Variants in PHLDB2 observed in about 807,000 individuals in gnomAD.
PHLDB2 encodes the protein pleckstrin homology-like domain family B member 2.
PHLDB2 carries 71 observed loss-of-function variants against 123.6 expected under a neutral mutation model. That is an observed-to-expected ratio of 0.57 (90% CI 0.47 to 0.70). The LOEUF (loss-of-function observed/expected upper bound fraction) is 0.70. Among genes scored for constraint, PHLDB2 ranks in the 30% least tolerant of loss-of-function variants. The pLI, the probability that PHLDB2 is intolerant of heterozygous loss-of-function variation, is 0.00. For synonymous variants in PHLDB2, 547 were observed against 541.6 expected (o/e 1.01, Z -0.14); for missense variants, 1,446 against 1,519.5 (o/e 0.95, Z 0.80).
chr3:111,876,436 A>G (rs1290861774), intron 1 of PHLDB2, among the ~76,000 whole-genome samples: 4 of 152,336 alleles, frequency 2.6e-5, no homozygotes, highest in Middle Eastern at 3.4e-3. Flanking sequence ...AGCCTTACTA[A>G]TAACAAAGCC....
intron 1 of PHLDB2, among the ~76,000 whole-genome samples, chr3:111,751,725 T>G (rs1035174338): frequency 6.7e-6 from 1 of 149,850 alleles, no homozygotes; most frequent in Non-Finnish European, 1.5e-5. Context: ...CATTAGGAGA[T>G]ATACCTAATG....
chr3:111,966,550 A>C, intron 13 of PHLDB2, 63 bp from the exon 14 acceptor site: 3 of 845,690 alleles, frequency 3.5e-6, no homozygotes, highest in Non-Finnish European at 3.7e-6. Context: ...GTGTGTGTGT[A>C]TGTATTAGAG....
At chr3:111,787,789 A>T (rs2060753621) in intron 1 of PHLDB2, among the ~76,000 whole-genome samples, 1 of 152,154 alleles carries the variant, frequency 6.6e-6, no homozygotes, top group South Asian at 2.1e-4. Context: ...CTGGCAGCGT[A>T]CCCAATCTAT....
At chr3:111,889,676 C>A (rs1352860317) in intron 2 of PHLDB2, among the ~76,000 whole-genome samples, 1 of 152,094 alleles carries the variant, frequency 6.6e-6, no homozygotes, top group African/African-American at 2.4e-5. Context: ...AACTCCAGCC[C>A]AGGTGGCAGA....
In PHLDB2 at chr3:111,959,224, T is replaced by G. The variant is rs560382547; in HGVS notation, c.2873-2884T>G. Among the ~76,000 whole-genome samples, 16 of 152,376 alleles carry G rather than the reference T, an allele frequency of 1.1e-4. No homozygotes were observed. The South Asian group carries it at 3.1e-3, about 30-fold the overall frequency. On this transcript the variant is annotated intron_variant, in intron 12 of 17. Transcript: ENST00000431670. ...ATGAGCTCTTTGGAATCACACTGGT[T>G]CAATTGCAGGATCACAGGAGAGGGG...
At chr3:111,778,914 C>T (rs573858823) in intron 1 of PHLDB2, among the ~76,000 whole-genome samples, 2 of 152,230 alleles carry the variant, frequency 1.3e-5, no homozygotes, top group South Asian at 4.1e-4. Flanking sequence ...TTCCTTTGCT[C>T]ACACAGAGTT....
At chr3:111,885,649 A>G (rs758570793) in intron 2 of PHLDB2, 2 of 693,494 alleles carry the variant, frequency 2.9e-6, no homozygotes, top group South Asian at 3.2e-5. Context: ...TGCTCTGCGG[A>G]CTTCTCACAA....
intron 1 of PHLDB2, among the ~76,000 whole-genome samples, chr3:111,795,654 C>T (rs2061122488): frequency 6.6e-6 from 1 of 152,200 alleles, no homozygotes; most frequent in South Asian, 2.1e-4. Context: ...TGGAGCTCCT[C>T]CTCCTTTTGG....
At chr3:111,751,849 A>T (rs12490595) in intron 1 of PHLDB2, among the ~76,000 whole-genome samples, 75,582 of 151,696 alleles carry the variant, frequency 0.5, 19,396 homozygotes, top group African/African-American at 0.62. Context: ...AATAATAAAA[A>T]TTTTTTAAAA....
At position 111,734,268 on chromosome 3, in the gene PHLDB2, G is replaced by A. The variant is rs1173429445; in HGVS notation, c.-49+1565G>A. 2.6e-5 allele frequency among the ~76,000 whole-genome samples: 4 copies of A among 152,310 alleles called. No individual in the cohort carries two copies. The East Asian group carries it at 7.7e-4, about 29-fold the overall frequency. ...TGGAGGTGGTTTTGACGAGGGAAAA[G>A]GATCTTGGGGTGATCAAATGCATTG... On this transcript the variant is annotated intron_variant, in intron 1 of 17. Transcript: ENST00000393923.
At chr3:111,916,266 C>T (rs1299898399) in intron 3 of PHLDB2, 1 of 152,138 alleles carries the variant, frequency 6.6e-6, no homozygotes, top group African/African-American at 2.4e-5. Context: ...CAAGGACACC[C>T]AGGTTACCAG....
chr3:111,854,388 T>A (rs1176100863), upstream of PHLDB2, among the ~76,000 whole-genome samples: 1 of 152,222 alleles, frequency 6.6e-6, no homozygotes, highest in Non-Finnish European at 1.5e-5. Context: ...TACTTCACAG[T>A]CAATGATTTT....
In PHLDB2 at chr3:111,780,399, A is replaced by AAG. The variant is rs2060406415; in HGVS notation, c.-49+47696_-49+47697insAG. On this transcript the variant is annotated intron_variant, in intron 1 of 17. Transcript: ENST00000393923. ...AAGAAGAAGAAGAAGAAGAAGAAGA[A>AAG]GAAGAAGAAGAAAAAGATTAGTTCG... Among the ~76,000 whole-genome samples, 12 of 74,352 alleles carry AAG rather than the reference A, an allele frequency of 1.6e-4. 1 individual carries two copies. Among genetic ancestry groups the AAG allele is most frequent in the South Asian group, 5.1e-4 (1 of 1,978 alleles). The allele number at this position is 74,352 out of a possible 152,430, so 48.8% of individuals were successfully genotyped here. A position where few individuals can be genotyped will look rare whatever the true frequency, so the allele number is the denominator to read the frequency against.
At chr3:111,841,347 A>AG (rs1314088019) in intron 1 of PHLDB2, among the ~76,000 whole-genome samples, 1 of 152,024 alleles carries the variant, frequency 6.6e-6, no homozygotes, top group Non-Finnish European at 1.5e-5. Context: ...GAGTAGGAGG[A>AG]GGGGGGAACT....
intron 1 of PHLDB2, among the ~76,000 whole-genome samples, chr3:111,739,599 A>G (rs372164927): frequency 0.64 from 82,436 of 129,476 alleles, 28,072 homozygotes; most frequent in Non-Finnish European, 0.76. Context: ...AAAACAAACA[A>G]AAAAAAAAAA....
At chr3:111,813,721 T>C (rs909030521) in intron 1 of PHLDB2, among the ~76,000 whole-genome samples, 15 of 152,232 alleles carry the variant, frequency 9.9e-5, no homozygotes, top group African/African-American at 3.6e-4. Flanking sequence ...GTTCAGACTT[T>C]CTCTTCTTTG....
At chr3:111,950,000 G>A in intron 10 of PHLDB2, 1 of 706,452 alleles carries the variant, frequency 1.4e-6, no homozygotes. Flanking sequence ...AAGGCAAGTT[G>A]CATACTTCTC....
intron 2 of PHLDB2, among the ~76,000 whole-genome samples, chr3:111,894,931 C>CGTGT (rs140190800): frequency 0.14 from 21,363 of 149,834 alleles, 1,609 homozygotes; most frequent in East Asian, 0.32. Context: ...TGCTGGTTTG[C>CGTGT]GTGTGTGTGT....
chr3:111,754,882 G>C (rs1202141356), intron 1 of PHLDB2, among the ~76,000 whole-genome samples: 1 of 144,918 alleles, frequency 6.9e-6, no homozygotes, highest in African/African-American at 2.6e-5. Flanking sequence ...TTTTGTCAAA[G>C]GCCTTTTCTG....
Sources: gnomAD v4.1 joint callset for allele counts (sites outside exome capture counted in the v4.1 genomes callset) on GRCh38, gnomAD v4.1.1 for gene constraint, MANE v1.5 for transcripts, NCBI Gene and HGNC (gene_info 2026-07-23, HGNC 2026-07-21) for gene names.